PTPN14: variants seen among roughly 807,000 people sequenced by gnomAD.
The protein encoded by PTPN14 is protein tyrosine phosphatase non-receptor type 14.
A neutral mutation model predicts 126.8 loss-of-function variants in PTPN14; 53 were observed. That is an observed-to-expected ratio of 0.42 (90% CI 0.34 to 0.53). PTPN14 has a LOEUF of 0.53. Among genes scored for constraint, PTPN14 ranks in the 20% least tolerant of loss-of-function variants. The pLI is 0.08. For synonymous variants in PTPN14, 630 were observed against 599.3 expected (o/e 1.05, Z -0.75); for missense variants, 1,257 against 1,552.9 (o/e 0.81, Z 3.20).
At position 214,364,417 on chromosome 1, in the gene PTPN14, AC is replaced by A; in HGVS notation, c.3435+94del. On this transcript the variant is annotated intron_variant, in intron 18 of 18. Coordinates refer to ENST00000366956, the MANE Select transcript of PTPN14 (RefSeq NM_005401.5). This position sits in a 1 kb window ranked among gnomAD's most constrained non-coding sequence, Gnocchi z 4.1. ...ACTCTGGTTGGGAGACAGGAAATTA[AC>A]CACTGAAAATGCAAGGGTGCAGGCA... is the stretch of plus-strand genomic sequence containing the variant. The A allele has an allele frequency of 3.4e-6, 5 of 1,450,444 alleles. No individual in the cohort carries two copies. The highest frequency in any genetic ancestry group is 4.6e-6 in the Non-Finnish European group (5 of 1,077,178). The allele number at this position is 1,450,444 out of a possible 1,614,324, so 89.8% of individuals were successfully genotyped here.
At chr1:214,360,034 G>A (rs17786949) in intron 18 of PTPN14, among the ~76,000 whole-genome samples, 27,762 of 152,092 alleles carry the variant, frequency 0.18, 3,402 homozygotes, top group Non-Finnish European at 0.27. Context: ...TACGGCTGGA[G>A]CACCCCTGAG....
intron 1 of PTPN14, among the ~76,000 whole-genome samples, chr1:214,512,183 C>A (rs549234953): frequency 2.0e-4 from 31 of 152,212 alleles, no homozygotes; most frequent in Non-Finnish European, 2.1e-4. Context: ...TTAAATCCAC[C>A]CAGGGCCACC....
At chr1:214,465,036 C>T in intron 1 of PTPN14, 79 bp from the exon 2 acceptor site, 2 of 244,580 alleles carry the variant, frequency 8.2e-6, no homozygotes, top group African/African-American at 1.1e-4. Flanking sequence ...CACACAGAAG[C>T]CCCCCCCCCC....
At chr1:214,374,853 T>A (rs576524892) in intron 15 of PTPN14, among the ~76,000 whole-genome samples, 2 of 152,308 alleles carry the variant, frequency 1.3e-5, no homozygotes, top group African/African-American at 4.8e-5. Context: ...GTGGAAGAGA[T>A]CTGGCCAAAA....
intron 1 of PTPN14, among the ~76,000 whole-genome samples, chr1:214,482,366 T>C (rs1204189723): frequency 6.6e-6 from 1 of 152,262 alleles, no homozygotes; most frequent in Admixed American, 6.5e-5. Context: ...AAAGTCATAA[T>C]GTTTTCATGC....
chr1:214,489,216 T>C (rs1661179018), intron 1 of PTPN14, among the ~76,000 whole-genome samples: 1 of 152,190 alleles, frequency 6.6e-6, no homozygotes, highest in Admixed American at 6.5e-5. Context: ...CTCATAACAG[T>C]ACTGAGGTAA....
chr1:214,383,203 G>C lies in PTPN14; in HGVS notation c.2544+108C>G, dbSNP rs1166236884. On this transcript the variant is annotated intron_variant, in intron 13 of 18. Coordinates refer to ENST00000366956, the MANE Select transcript of PTPN14 (RefSeq NM_005401.5). The surrounding 1 kb of genome is among the most constrained non-coding windows in gnomAD (Gnocchi z 4.4). Reference sequence around the variant, plus strand: ...AAGTACTACCTTTTAAATGCTCAATGATTCCTTAAAAACCTACCACGTTCC... The same window carrying C: ...AAGTACTACCTTTTAAATGCTCAATCATTCCTTAAAAACCTACCACGTTCC... The C allele has an allele frequency of 8.2e-6, 11 of 1,346,936 alleles. No individual in the cohort carries two copies. The highest frequency in any genetic ancestry group is 1.1e-5 in the Non-Finnish European group (11 of 985,214). 83.4% of individuals were successfully genotyped at this position (1,346,936 alleles called of 1,614,324 possible).
At chr1:214,452,658 A>G in intron 2 of PTPN14, among the ~76,000 whole-genome samples, 1 of 152,168 alleles carries the variant, frequency 6.6e-6, no homozygotes, top group East Asian at 1.9e-4. Flanking sequence ...GTTAGATGAA[A>G]GTGAGATTTT....
intron 1 of PTPN14, among the ~76,000 whole-genome samples, chr1:214,515,804 A>AG (rs1462459939): frequency 6.6e-6 from 1 of 152,102 alleles, no homozygotes; most frequent in Admixed American, 6.5e-5. Flanking sequence ...GAAAAAAAAA[A>AG]CTGAGTTCAG....
Position 214,438,892 on chromosome 1 carries a change from G to A in PTPN14, c.344+12913C>T, listed in dbSNP as rs142693486. ...GACCTACTATATGCTAAGCACAATGGCAAATGCTTTCTGAACTCATCCTTA... is the reference window on the plus strand; with the variant it reads ...GACCTACTATATGCTAAGCACAATGACAAATGCTTTCTGAACTCATCCTTA... On this transcript the variant is annotated intron_variant, in intron 3 of 18. Transcript: ENST00000366956. 3.0e-3 allele frequency among the ~76,000 whole-genome samples: 450 copies of A among 152,258 alleles called. 2 individuals are homozygous for A. Among genetic ancestry groups the A allele is most frequent in the African/African-American group, 0.01 (428 of 41,542 alleles).
chr1:214,481,371 C>T (rs1157291398), intron 1 of PTPN14, among the ~76,000 whole-genome samples: 6 of 151,598 alleles, frequency 4.0e-5, no homozygotes, highest in African/African-American at 9.7e-5. Flanking sequence ...TTTAGCTGGG[C>T]GTGGTGGCAT....
intron 3 of PTPN14, among the ~76,000 whole-genome samples, chr1:214,448,995 G>T (rs1660210350): frequency 7.1e-6 from 1 of 140,818 alleles, no homozygotes; most frequent in Non-Finnish European, 1.5e-5. Flanking sequence ...CTGTGCCCTT[G>T]TAAGACTTAA....
intron 2 of PTPN14, among the ~76,000 whole-genome samples, chr1:214,461,600 A>C (rs1310129316): frequency 6.6e-6 from 1 of 151,392 alleles, no homozygotes; most frequent in Admixed American, 6.6e-5. Context: ...AGTGCACTCC[A>C]GTCTGGGCAA....
chr1:214,405,580 T>G (rs575614046), intron 5 of PTPN14, among the ~76,000 whole-genome samples: 1 of 151,290 alleles, frequency 6.6e-6, no homozygotes, highest in South Asian at 2.1e-4. Context: ...ACCTTCTGCC[T>G]GCACTCTGTC....
chr1:214,406,315 T>C (rs559449113), intron 5 of PTPN14, among the ~76,000 whole-genome samples: 1 of 151,904 alleles, frequency 6.6e-6, no homozygotes, highest in Non-Finnish European at 1.5e-5. Flanking sequence ...CCATCTCTAC[T>C]AAAAATACAA....
At chr1:214,358,179 G>A (rs548117978) in intron 18 of PTPN14, 129 bp from the exon 19 acceptor site, 3 of 1,145,824 alleles carry the variant, frequency 2.6e-6, no homozygotes, top group Non-Finnish European at 3.6e-6. Flanking sequence ...AAGGGACTCT[G>A]CCCTGGCTGG....
chr1:214,458,591 G>C (rs80025148), intron 2 of PTPN14, among the ~76,000 whole-genome samples: 9,327 of 138,264 alleles, frequency 0.067, 400 homozygotes, highest in Non-Finnish European at 0.093. Flanking sequence ...CCATTTTACA[G>C]ATAAGAAAAC....
intron 3 of PTPN14, among the ~76,000 whole-genome samples, chr1:214,448,397 A>ATTTTTT (rs34637675): frequency 2.2e-5 from 3 of 133,528 alleles, no homozygotes; most frequent in Non-Finnish European, 4.8e-5. Context: ...AGCCGGGCTA[A>ATTTTTT]TTTTTTTTTT....
In PTPN14 at chr1:214,369,558, T is replaced by C. The variant is rs372859181; in HGVS notation, c.3170A>G (p.Lys1057Arg). 6.2e-7 allele frequency: 1 copy of C among 1,614,176 alleles called. No individual in the cohort carries two copies. The highest frequency in any genetic ancestry group is 8.5e-7 in the Non-Finnish European group (1 of 1,180,042). The change falls in exon 17 of 19, where the codon AAG becomes AGG. Residue 1057 changes from lysine to arginine, a missense_variant. Transcript: ENST00000366956. ...DSVCYATTGL[K>R]VKHLLSGQER... ...TTGCCCAGACAAAAGGTGCTTGACC[T>C]TCAAGCCCGTGGTTGCATAGCAAAC... is the stretch of plus-strand genomic sequence containing the variant.
Sources: gnomAD v4.1 joint callset for allele counts (sites outside exome capture counted in the v4.1 genomes callset) on GRCh38, gnomAD v4.1.1 for gene constraint, Gnocchi (gnomAD v3.1) non-coding constraint, MANE v1.5 for transcripts, NCBI Gene and HGNC (gene_info 2026-07-23, HGNC 2026-07-21) for gene names.